The following ACACA variants were observed in gnomAD, a reference collection of about 807,000 sequenced individuals.
The protein encoded by ACACA is acetyl-CoA carboxylase 1.
ACACA carries 103 observed loss-of-function variants against 296.1 expected under a neutral mutation model. The ratio of observed to expected loss-of-function variants is 0.35; its 90% confidence interval spans 0.30 to 0.41. The LOEUF (loss-of-function observed/expected upper bound fraction) is 0.41. Ranked by LOEUF, ACACA falls within the 10% of genes least tolerant of loss-of-function variation. The pLI, the probability that ACACA is intolerant of heterozygous loss-of-function variation, is 1.00. For synonymous variants in ACACA, 953 were observed against 1,038.6 expected (o/e 0.92, Z 1.58); for missense variants, 1,554 against 2,989.7 (o/e 0.52, Z 11.20).
At chr17:37,095,593 A>T (rs1310309213) in intron 54 of ACACA, among the ~76,000 whole-genome samples, 1 of 152,080 alleles carries the variant, frequency 6.6e-6, no homozygotes, top group African/African-American at 2.4e-5. Context: ...GTGGGCCAGG[A>T]CCCTTCAAGC....
chr17:37,274,063 A>C, intron 9 of ACACA, 130 bp downstream of exon 9: 1 of 792,342 alleles, frequency 1.3e-6, no homozygotes, highest in South Asian at 1.4e-5. Flanking sequence ...TATACTTTCA[A>C]ACTACACCTC....
chr17:37,228,987 C>CA (rs561590126), intron 25 of ACACA, among the ~76,000 whole-genome samples: 3 of 151,686 alleles, frequency 2.0e-5, no homozygotes, highest in South Asian at 2.1e-4. Flanking sequence ...ACTAAAAATA[C>CA]AAAAAAATTA....
chr17:37,271,255 C>T (rs968657525), intron 9 of ACACA, among the ~76,000 whole-genome samples: 1 of 152,206 alleles, frequency 6.6e-6, no homozygotes, highest in Non-Finnish European at 1.5e-5. Flanking sequence ...GTGGCTAACG[C>T]CTGTAATCAC....
intron 3 of ACACA, among the ~76,000 whole-genome samples, chr17:37,312,709 A>G (rs1417227030): frequency 6.6e-6 from 1 of 152,196 alleles, no homozygotes; most frequent in African/African-American, 2.4e-5. Context: ...ACACCTACAT[A>G]AAGTCAGTGA....
At chr17:37,155,509 T>C (rs1306009229) in intron 43 of ACACA, among the ~76,000 whole-genome samples, 174 bp downstream of exon 43, 2 of 152,190 alleles carry the variant, frequency 1.3e-5, no homozygotes, top group Non-Finnish European at 2.9e-5. Context: ...CTTCAATCAA[T>C]AACCCAAGGT....
chr17:37,138,253 G>A (rs137934905), intron 45 of ACACA, among the ~76,000 whole-genome samples: 12 of 152,330 alleles, frequency 7.9e-5, no homozygotes, highest in Admixed American at 2.0e-4. Context: ...TTGGATCCAT[G>A]CACAGGGAAC....
chr17:37,337,326 G>C (rs1042730816), intron 2 of ACACA, among the ~76,000 whole-genome samples: 2 of 149,140 alleles, frequency 1.3e-5, no homozygotes, highest in African/African-American at 4.9e-5. Flanking sequence ...TGAGGTGGGA[G>C]AATCGTTTGA....
chr17:37,359,083 G>A (rs1395523141), intron 1 of ACACA: 2 of 985,826 alleles, frequency 2.0e-6, no homozygotes, highest in South Asian at 9.4e-5. Flanking sequence ...CCGGCGGCTC[G>A]GGCGATGGCT....
chr17:37,240,631 G>A (rs1598285491), intron 23 of ACACA, 67 bp from the exon 24 acceptor site: 2 of 1,342,840 alleles, frequency 1.5e-6, no homozygotes, highest in Admixed American at 3.8e-5. Context: ...TAAACCCAAA[G>A]GCCAAATTTA....
chr17:37,347,298 T>C (rs1457531873), intron 1 of ACACA, among the ~76,000 whole-genome samples: 1 of 152,186 alleles, frequency 6.6e-6, no homozygotes, highest in Non-Finnish European at 1.5e-5. Flanking sequence ...CCTGGCCATA[T>C]AGCACAGTAA....
chr17:37,167,698 A>C (rs2076737036), intron 41 of ACACA, among the ~76,000 whole-genome samples: 1 of 129,162 alleles, frequency 7.7e-6, no homozygotes, highest in Admixed American at 7.4e-5. Flanking sequence ...AAAACTGGCA[A>C]AAAAAAAAAA....
chr17:37,260,732 CAAGAA>C (rs915805124), intron 11 of ACACA, among the ~76,000 whole-genome samples: 17 of 150,818 alleles, frequency 1.1e-4, no homozygotes, highest in South Asian at 4.2e-4. Flanking sequence ...CTAAGAACAC[CAAGAA>C]AAGAAAGGAA....
chr17:37,257,654 T>G (rs772903706), intron 14 of ACACA, 49 bp downstream of exon 14: 126 of 1,590,436 alleles, frequency 7.9e-5, no homozygotes, highest in Non-Finnish European at 1.1e-4. Flanking sequence ...TCACTTAAGA[T>G]TAGCACAAAT....
intron 52 of ACACA, among the ~76,000 whole-genome samples, chr17:37,102,230 A>T (rs1597820527): frequency 2.0e-5 from 2 of 100,910 alleles, no homozygotes; most frequent in Non-Finnish European, 1.8e-5. Flanking sequence ...TTTGAGACGG[A>T]GTCTTGCTCT....
At chr17:37,250,056 C>T (rs1484799528) in intron 16 of ACACA, among the ~76,000 whole-genome samples, 4 of 152,208 alleles carry the variant, frequency 2.6e-5, no homozygotes, top group Admixed American at 6.5e-5. Flanking sequence ...ATTGTGAGGC[C>T]TCCCCAGCCA....
chr17:37,257,916 A>C (rs1409604577), intron 13 of ACACA, 50 bp from the exon 14 acceptor site: 6 of 1,594,460 alleles, frequency 3.8e-6, no homozygotes, highest in Non-Finnish European at 5.2e-6. Flanking sequence ...GAAGGAAGAG[A>C]AGATTTATAT....
At position 37,191,183 on chromosome 17, in the gene ACACA, G is replaced by A. The variant is rs758386060; in HGVS notation, c.4509C>T (p.Val1503=). The A allele has an allele frequency of 6.2e-7, 1 of 1,614,090 alleles. No individual in the cohort carries two copies. Among genetic ancestry groups the A allele is most frequent in the East Asian group, 2.2e-5 (1 of 44,878 alleles). The part of the protein sequence containing the change: ...ELEVAFNNTN[V]RTDCNHIFLN... ...GGAAGATGTGGTTACAGTCAGTGCG[G>A]ACATTTGTATTGTTAAAAGCAACTT... Residue 1503 remains valine, a synonymous_variant, in exon 38 of 56, where the codon GTC becomes GTT. Coordinates refer to ENST00000616317, the MANE Select transcript of ACACA (RefSeq NM_198834.3).
At chr17:37,390,304 T>TTTTATATATATATATATTATATA (rs1201500381) in intron 1 of ACACA, among the ~76,000 whole-genome samples, 4 of 17,982 alleles carry the variant, frequency 2.2e-4, no homozygotes, top group Non-Finnish European at 3.2e-4. Context: ...TTATACATAA[T>TTTTATATATATATATATTATATA]TATATATATA....
Position 37,245,228 on chromosome 17 carries a change from T to C in ACACA, c.2461-14A>G. 1 of 1,612,868 alleles carries C rather than the reference T, an allele frequency of 6.2e-7. No homozygotes were observed. The highest frequency in any genetic ancestry group is 8.5e-7 in the Non-Finnish European group (1 of 1,179,392). Reference sequence around the variant, plus strand: ...CATCTTCATTACCTATAGTGAAAAATAAACTAGACTCAGATTTATCTCTCT... The same window carrying C: ...CATCTTCATTACCTATAGTGAAAAACAAACTAGACTCAGATTTATCTCTCT... On this transcript the variant is annotated splice_polypyrimidine_tract_variant and intron_variant, in intron 19 of 55. Transcript: ENST00000616317.
Sources: allele counts gnomAD v4.1 joint callset (sites outside exome capture counted in the v4.1 genomes callset), GRCh38; gene constraint gnomAD v4.1.1; transcripts MANE v1.5; gene names NCBI Gene and HGNC (gene_info 2026-07-23, HGNC 2026-07-21).